Variants in TOX2 observed in about 807,000 individuals in gnomAD.
The protein encoded by TOX2 is granulosa cell HMG box 1.
A neutral mutation model predicts 47.4 loss-of-function variants in TOX2; 15 were observed. The observed-to-expected ratio is 0.32, with a 90% CI of 0.21 to 0.49. The LOEUF (loss-of-function observed/expected upper bound fraction) is 0.49. Ranked by LOEUF, TOX2 falls within the 20% of genes least tolerant of loss-of-function variation. The pLI, the probability that TOX2 is intolerant of heterozygous loss-of-function variation, is 0.99. For missense variants in TOX2, 622 were observed against 673.1 expected (o/e 0.92, Z 0.84); for synonymous variants, 290 against 296.6 (o/e 0.98, Z 0.23).
chr20:43,977,582 T>C (rs1390373879), intron 2 of TOX2, among the ~76,000 whole-genome samples: 2 of 152,100 alleles, frequency 1.3e-5, no homozygotes, highest in African/African-American at 2.4e-5. Flanking sequence ...CTTGAAGTGT[T>C]TTTTTTTGCA....
At chr20:44,055,378 G>A (rs2071598541) in intron 5 of TOX2, among the ~76,000 whole-genome samples, 2 of 152,238 alleles carry the variant, frequency 1.3e-5, no homozygotes, top group Non-Finnish European at 2.9e-5. Flanking sequence ...AGGTCACCAG[G>A]TGAGACCTGA....
At chr20:44,046,508 C>T (rs1341719753) in intron 3 of TOX2, among the ~76,000 whole-genome samples, 1 of 152,198 alleles carries the variant, frequency 6.6e-6, no homozygotes, top group East Asian at 1.9e-4. Context: ...TACTTGTGCA[C>T]CCACGTTCCT....
intron 1 of TOX2, among the ~76,000 whole-genome samples, chr20:43,937,798 G>A (rs2069346616): frequency 6.6e-6 from 1 of 152,146 alleles, no homozygotes; most frequent in South Asian, 2.1e-4. Context: ...GATGTCCCTG[G>A]AGCCTTCAAC....
intron 1 of TOX2, among the ~76,000 whole-genome samples, chr20:43,958,719 C>G (rs775733282): frequency 1.3e-5 from 2 of 152,192 alleles, no homozygotes; most frequent in Non-Finnish European, 2.9e-5. Flanking sequence ...AGTAACTGGG[C>G]TAAATCTGGC....
chr20:43,973,638 C>T (rs747668661), intron 2 of TOX2, among the ~76,000 whole-genome samples: 8 of 152,196 alleles, frequency 5.3e-5, no homozygotes, highest in Non-Finnish European at 1.2e-4. Flanking sequence ...TACCTGGCTA[C>T]TGTTGGCTTA....
intron 4 of TOX2, among the ~76,000 whole-genome samples, chr20:44,052,654 G>A (rs2071536065): frequency 6.6e-6 from 1 of 152,094 alleles, no homozygotes; most frequent in Admixed American, 6.5e-5. Context: ...ACAAGTATAC[G>A]TCCATGTAAT....
intron 3 of TOX2, among the ~76,000 whole-genome samples, chr20:44,021,377 T>C (rs2070972935): frequency 6.6e-6 from 1 of 152,116 alleles, no homozygotes. Flanking sequence ...CAGCAAATTA[T>C]GGGGCCGTAA....
At chr20:43,922,690 A>G (rs1287044571) in intron 1 of TOX2, among the ~76,000 whole-genome samples, 1 of 152,230 alleles carries the variant, frequency 6.6e-6, no homozygotes, top group Non-Finnish European at 1.5e-5. Flanking sequence ...AGGATAATAC[A>G]TTTTGATCAA....
intron 3 of TOX2, among the ~76,000 whole-genome samples, chr20:44,013,168 TC>T (rs2070808711): frequency 6.6e-6 from 1 of 151,212 alleles, no homozygotes; most frequent in African/African-American, 2.4e-5. Flanking sequence ...CTCTGGGAGG[TC>T]CTTGATATAC....
At chr20:43,993,286 ATT>A (rs1257761055) in intron 2 of TOX2, among the ~76,000 whole-genome samples, 1 of 152,184 alleles carries the variant, frequency 6.6e-6, no homozygotes, top group Non-Finnish European at 1.5e-5. Flanking sequence ...ATGGAGAACA[ATT>A]TGGAAGGAAA....
chr20:44,026,248 T>TATATATATATATATATATATATACAC (rs750976068), intron 3 of TOX2, among the ~76,000 whole-genome samples: 1 of 67,738 alleles, frequency 1.5e-5, no homozygotes, highest in Non-Finnish European at 3.1e-5. Context: ...TATATATATA[T>TATATATATATATATATATATATACAC]AGACACACAC....
Position 44,066,913 on chromosome 20 carries a change from G to A in TOX2, c.1484+56G>A, listed in dbSNP as rs1325807827. On this transcript the variant is annotated intron_variant, in intron 8 of 8. Transcript: ENST00000341197. ...TGCCAGCCAGGGAGAGTGGGAACAG[G>A]ATGGCCAGGGATGGGAGAATGGCCA... 6 of 1,568,750 alleles carry A rather than the reference G, an allele frequency of 3.8e-6. No homozygotes were observed. The African/African-American group carries it at 8.1e-5, about 21-fold the overall frequency.
Position 43,989,505 on chromosome 20 carries a change from C to A in TOX2, c.165+16073C>A, listed in dbSNP as rs535394948. Among the ~76,000 whole-genome samples the A allele has an allele frequency of 2.6e-5, 4 of 152,226 alleles. No homozygotes were observed. In the East Asian group the frequency reaches 7.7e-4, roughly 29 times the overall value. ...AAAAACAGCATATATTAGGGCTAGG[C>A]ACAGTGGCTCATGCCTGTAATCCTA... On this transcript the variant is annotated intron_variant, in intron 2 of 8. Transcript: ENST00000341197.
chr20:43,940,706 G>T (rs147071102), intron 1 of TOX2, among the ~76,000 whole-genome samples: 107 of 152,238 alleles, frequency 7.0e-4, no homozygotes, highest in Middle Eastern at 3.4e-3. Flanking sequence ...CACCCTAGGG[G>T]TGTGGTGTGG....
intron 1 of TOX2, among the ~76,000 whole-genome samples, chr20:43,961,797 C>A (rs910645875): frequency 6.6e-6 from 1 of 151,952 alleles, no homozygotes; most frequent in Non-Finnish European, 1.5e-5. Flanking sequence ...TGAGACCAGC[C>A]GAGAGCACGT....
chr20:44,054,127 C>G (rs1289632243), intron 4 of TOX2, among the ~76,000 whole-genome samples, 172 bp from the exon 5 acceptor site: 1 of 152,068 alleles, frequency 6.6e-6, no homozygotes, highest in Non-Finnish European at 1.5e-5. Flanking sequence ...ATGAGTTAAA[C>G]ACCCACCCAG....
intron 1 of TOX2, among the ~76,000 whole-genome samples, chr20:43,965,343 T>C (rs936139626): frequency 3.3e-5 from 5 of 152,216 alleles, no homozygotes; most frequent in Non-Finnish European, 7.3e-5. Flanking sequence ...AAGAACATCT[T>C]TTCCTTTGTA....
chr20:44,040,910 T>C (rs567277288), intron 3 of TOX2, among the ~76,000 whole-genome samples: 1 of 152,062 alleles, frequency 6.6e-6, no homozygotes, highest in Admixed American at 6.5e-5. Context: ...TTTTAAAAGA[T>C]GGGAGAGGAG....
At chr20:44,056,521 C>T (rs2071620643) in intron 5 of TOX2, among the ~76,000 whole-genome samples, 1 of 152,188 alleles carries the variant, frequency 6.6e-6, no homozygotes, top group Non-Finnish European at 1.5e-5. Flanking sequence ...CTTTCTCTGA[C>T]CTCATTCAGC....
Sources: allele counts gnomAD v4.1 joint callset (sites outside exome capture counted in the v4.1 genomes callset), GRCh38; gene constraint gnomAD v4.1.1; transcripts MANE v1.5; gene names NCBI Gene and HGNC (gene_info 2026-07-23, HGNC 2026-07-21).